Variants in ZBTB44 observed in about 807,000 individuals in gnomAD.
ZBTB44 encodes zinc finger and BTB domain-containing protein 44.
ZBTB44 carries 15 observed loss-of-function variants against 54.0 expected under a neutral mutation model. The observed-to-expected ratio is 0.28, with a 90% CI of 0.19 to 0.43. The LOEUF is 0.43. Among genes scored for constraint, ZBTB44 ranks in the 20% least tolerant of loss-of-function variants. The pLI, the probability that ZBTB44 is intolerant of heterozygous loss-of-function variation, is 1.00. For synonymous variants in ZBTB44, 230 were observed against 250.1 expected, an observed-to-expected ratio of 0.92 and a Z score of 0.76; for missense variants, 487 against 707.1, an observed-to-expected ratio of 0.69 and a Z score of 3.53.
chr11:130,292,478 G>C (rs1030762722), intron 1 of ZBTB44, among the ~76,000 whole-genome samples: 2 of 151,818 alleles, frequency 1.3e-5, no homozygotes, highest in African/African-American at 2.4e-5. Flanking sequence ...GCCTAAAAGA[G>C]TACATACACT....
At chr11:130,268,611 C>A (rs113199642) in intron 1 of ZBTB44, among the ~76,000 whole-genome samples, 5,554 of 152,162 alleles carry the variant, frequency 0.037, 152 homozygotes, top group Non-Finnish European at 0.057. Context: ...CAGAGTCTCA[C>A]TCTGTCACCC....
intron 1 of ZBTB44, among the ~76,000 whole-genome samples, chr11:130,278,571 T>A (rs953133904): frequency 1.3e-5 from 2 of 152,174 alleles, no homozygotes; most frequent in Non-Finnish European, 2.9e-5. Flanking sequence ...TACTCTTAAG[T>A]GTTTAATGGT....
At chr11:130,297,637 G>A (rs1357075303) in intron 1 of ZBTB44, among the ~76,000 whole-genome samples, 1 of 152,190 alleles carries the variant, frequency 6.6e-6, no homozygotes, top group East Asian at 1.9e-4. Flanking sequence ...ACATAGGGAG[G>A]ATGCCCCATG....
intron 5 of ZBTB44, among the ~76,000 whole-genome samples, chr11:130,235,217 T>C (rs7944497): frequency 0.064 from 9,772 of 152,232 alleles, 749 homozygotes; most frequent in African/African-American, 0.18. Flanking sequence ...ATCTGCAAAG[T>C]AATTTAGAAT....
rs1323524133 is a variant in ZBTB44 at position 130,229,886 on chromosome 11, T to TC, written c.*1877dup. On this transcript the variant is annotated 3_prime_UTR_variant, in exon 8 of 8. Coordinates refer to ENST00000357899, the MANE Select transcript of ZBTB44 (RefSeq NM_001301098.2). ...TGTAAACTTCACACTAGTTTTTTTT[T>TC]CCCAGTTAGTATTAATATTTAGAAA... The TC allele has an allele frequency of 2.6e-5, 4 of 152,116 alleles. No individual in the cohort carries two copies. Among genetic ancestry groups the TC allele is most frequent in the African/African-American group, 4.8e-5 (2 of 41,438 alleles). The allele number at this position is 152,116 out of a possible 1,614,324, so 9.4% of individuals were successfully genotyped here.
chr11:130,261,794 T>C lies in ZBTB44; in HGVS notation c.80A>G (p.Asp27Gly), dbSNP rs545558865. Residue 27 changes from aspartate (D) to glycine (G), a missense_variant, in exon 2 of 8, where the codon GAT (aspartate) becomes GGT (glycine). Around this residue, in one of 3 missense-constraint regions of ZBTB44, gnomAD observed 90 missense variants for 160.3 expected, o/e 0.56. Coordinates refer to ENST00000357899, the MANE Select transcript of ZBTB44 (RefSeq NM_001301098.2). The surrounding 1 kb of genome is among the most constrained non-coding windows in gnomAD (Gnocchi z 4.8). ...MLGKLNMLRN[D>G]GHFCDITIRV... ...AATAGTGATATCACAAAAATGTCCA[T>C]CATTTCGCAGCATATTTAGCTTTCC... The C allele has an allele frequency of 3.7e-6, 6 of 1,613,946 alleles. No individual in the cohort carries two copies. Among genetic ancestry groups the C allele is most frequent in the Admixed American group, 1.7e-5 (1 of 60,012 alleles).
At position 130,236,853 on chromosome 11, in the gene ZBTB44, A is replaced by C; in HGVS notation, c.1508T>G (p.Ile503Ser). The change falls in exon 5 of 8, where the codon ATC becomes AGC. Residue 503 changes from isoleucine (I) to serine (S), a missense_variant. Ile to Ser is a moderately radical substitution (Grantham distance 142, BLOSUM62 -2). Around this residue, in one of 3 missense-constraint regions of ZBTB44, gnomAD observed 120 missense variants for 240.3 expected, o/e 0.50. Transcript: ENST00000357899. ...GAMFTNSGNL[I>S]VHLRSLNHEA... ...ATGGTTCAGACTCCTCAGGTGCACG[A>C]TTAAATTTCCAGAGTTGGTGAACAT... The C allele has an allele frequency of 6.7e-7, 1 of 1,486,162 alleles. No individual in the cohort carries two copies. Among genetic ancestry groups the C allele is most frequent in the Non-Finnish European group, 8.9e-7 (1 of 1,119,610 alleles). 92.1% of individuals were successfully genotyped at this position (1,486,162 alleles called of 1,614,324 possible).
At chr11:130,275,405 C>T (rs1459410156) in intron 1 of ZBTB44, among the ~76,000 whole-genome samples, 1 of 152,154 alleles carries the variant, frequency 6.6e-6, no homozygotes, top group Admixed American at 6.5e-5. Context: ...TCTCAAACTC[C>T]TGGGCTCAAG....
At chr11:130,303,559 T>C (rs1942096139) in intron 1 of ZBTB44, among the ~76,000 whole-genome samples, 1 of 152,066 alleles carries the variant, frequency 6.6e-6, no homozygotes, top group Admixed American at 6.5e-5. Context: ...TGCTTGAAGC[T>C]GGGAGGTGGA....
chr11:130,282,284 C>T (rs1469629027), intron 1 of ZBTB44, among the ~76,000 whole-genome samples: 1 of 152,202 alleles, frequency 6.6e-6, no homozygotes, highest in Non-Finnish European at 1.5e-5. Flanking sequence ...ACACAGTACT[C>T]ATTAAACAAT....
chr11:130,305,335 C>T (rs1942207849), intron 1 of ZBTB44, among the ~76,000 whole-genome samples: 1 of 152,162 alleles, frequency 6.6e-6, no homozygotes, highest in Non-Finnish European at 1.5e-5. Context: ...CTGGAGGAAC[C>T]ACATTACCTG....
chr11:130,253,643 C>T (rs1243722648), intron 2 of ZBTB44, among the ~76,000 whole-genome samples: 1 of 152,106 alleles, frequency 6.6e-6, no homozygotes, highest in Non-Finnish European at 1.5e-5. Flanking sequence ...GGCCATACTG[C>T]CCAAGGTAAT....
chr11:130,269,350 A>G (rs548171741), intron 1 of ZBTB44, among the ~76,000 whole-genome samples: 1 of 151,978 alleles, frequency 6.6e-6, no homozygotes. Flanking sequence ...ATGTGTAGTT[A>G]TAAGTTTAAT....
intron 1 of ZBTB44, among the ~76,000 whole-genome samples, chr11:130,282,642 C>G (rs1000027205): frequency 2.6e-5 from 4 of 152,232 alleles, no homozygotes; most frequent in African/African-American, 9.6e-5. Context: ...CCTAGCCCTA[C>G]AGCCTTCTAC....
chr11:130,238,358 A>G, intron 4 of ZBTB44, 86 bp downstream of exon 4: 2 of 1,396,976 alleles, frequency 1.4e-6, no homozygotes, highest in East Asian at 2.6e-5. Context: ...AAAACTCAGA[A>G]GCCCCTGTTT....
chr11:130,250,141 A>C (rs1165895666), intron 2 of ZBTB44, among the ~76,000 whole-genome samples: 1 of 152,202 alleles, frequency 6.6e-6, no homozygotes, highest in Admixed American at 6.5e-5. Context: ...AGCGCTAAAA[A>C]GGCCTGGAAG....
chr11:130,242,363 T>C (rs1183131115), intron 2 of ZBTB44, among the ~76,000 whole-genome samples: 1 of 152,182 alleles, frequency 6.6e-6, no homozygotes, highest in Non-Finnish European at 1.5e-5. Flanking sequence ...TTTGTTCTGA[T>C]TAAGCCCCAC....
chr11:130,296,867 A>C (rs57324737), intron 1 of ZBTB44: 1 of 734,242 alleles, frequency 1.4e-6, no homozygotes, highest in African/African-American at 1.7e-5. Flanking sequence ...ATTTGCCTCA[A>C]GTTGCTCTGC....
At chr11:130,231,775 A>AAATT (rs1953883962) in intron 7 of ZBTB44, 60 bp from the exon 8 acceptor site, 1 of 152,160 alleles carries the variant, frequency 6.6e-6, no homozygotes, top group Non-Finnish European at 1.5e-5. Context: ...ACAGATTTTA[A>AAATT]AATTAATTTT....
Sources: gnomAD v4.1 joint callset for allele counts (sites outside exome capture counted in the v4.1 genomes callset) on GRCh38, gnomAD v4.1.1 for gene constraint, gnomAD v4.1.1 regional missense constraint, Gnocchi (gnomAD v3.1) non-coding constraint, MANE v1.5 for transcripts, NCBI Gene and HGNC (gene_info 2026-07-23, HGNC 2026-07-21) for gene names.